DNAJC6: variants seen among roughly 807,000 people sequenced by gnomAD.
The protein encoded by DNAJC6 is DnaJ heat shock protein family (Hsp40) member C6, also known as auxilin.
A neutral mutation model predicts 110.0 loss-of-function variants in DNAJC6; 34 were observed. The ratio of observed to expected loss-of-function variants is 0.31; its 90% CI spans 0.24 to 0.41. The LOEUF (loss-of-function observed/expected upper bound fraction) is 0.41. Ranked by LOEUF, DNAJC6 falls within the 10% of genes least tolerant of loss-of-function variation. The pLI is 1.00. For synonymous variants in DNAJC6, 406 were observed against 437.2 expected (o/e 0.93, Z 0.89); for missense variants, 1,031 against 1,207.8 (o/e 0.85, Z 2.17).
intron 1 of DNAJC6, among the ~76,000 whole-genome samples, chr1:65,347,641 A>C (rs1392050168): frequency 6.6e-6 from 1 of 151,896 alleles, no homozygotes; most frequent in Non-Finnish European, 1.5e-5. Context: ...TTTTTTCATA[A>C]ATTAGAAACT....
chr1:65,281,582 C>T (rs977178478), intron 1 of DNAJC6, among the ~76,000 whole-genome samples: 1 of 151,930 alleles, frequency 6.6e-6, no homozygotes, highest in African/African-American at 2.4e-5. Context: ...CTAAGTACTT[C>T]ATTTCTTTTT....
chr1:65,295,063 A>G (rs1466394957), intron 1 of DNAJC6, among the ~76,000 whole-genome samples: 2 of 152,226 alleles, frequency 1.3e-5, no homozygotes, highest in Non-Finnish European at 2.9e-5. Context: ...AGGAAATCAT[A>G]ATAACTTCAG....
At chr1:65,279,200 T>A (rs1379846527) in intron 1 of DNAJC6, 1 of 980,600 alleles carries the variant, frequency 1.0e-6, no homozygotes, top group East Asian at 1.1e-4. Context: ...TTCTACAACT[T>A]TGGGGGAGGG....
Position 65,336,546 on chromosome 1 carries a change from C to T in DNAJC6, c.193+26608C>T, listed in dbSNP as rs74799436. ...AACCCATGTCCCCATTACTCAGCTT[C>T]GACAATTATCCACTAATGAGCAATT... On this transcript the variant is annotated intron_variant, in intron 1 of 18. Transcript: ENST00000371069. Among the ~76,000 whole-genome samples, 943 of 152,320 alleles carry T rather than the reference C, an allele frequency of 6.2e-3. 8 individuals carry two copies. Among genetic ancestry groups the T allele is most frequent in the African/African-American group, 0.02 (847 of 41,566 alleles).
intron 16 of DNAJC6, among the ~76,000 whole-genome samples, chr1:65,407,020 T>C (rs1646083692): frequency 1.3e-5 from 2 of 152,240 alleles, no homozygotes; most frequent in African/African-American, 2.4e-5. Context: ...TTTGTGGTTT[T>C]ATTTGCAGTT....
rs774034122 is a variant in DNAJC6, at chr1:65,413,013, G to C, written c.2901G>C (p.Lys967Asn). 1 of 1,613,814 alleles carries C rather than the reference G, an allele frequency of 6.2e-7. No individual in the cohort carries two copies. The highest frequency in any genetic ancestry group is 1.3e-5 in the African/African-American group (1 of 75,002). The change falls in exon 19 of 19, where the codon AAG (lysine) becomes AAC (asparagine). Residue 967 changes from lysine (K) to asparagine (N), a missense_variant. Lys to Asn is a moderately conservative substitution (Grantham distance 94). Coordinates refer to ENST00000371069, the MANE Select transcript of DNAJC6 (RefSeq NM_001256864.2). ...CTGAATTTGAAAACCAAGGCCAAAAGCCCTTATATTAATTTATGAGCTTTT... is the reference window on the plus strand; with the variant it reads ...CTGAATTTGAAAACCAAGGCCAAAACCCCTTATATTAATTTATGAGCTTTT... ...AWSEFENQGQ[K>N]PLY
At chr1:65,411,121 C>A in intron 17 of DNAJC6, 129 bp from the exon 18 acceptor site, 1 of 822,340 alleles carries the variant, frequency 1.2e-6, no homozygotes, top group Non-Finnish European at 1.8e-6. Context: ...GAGGAAACAG[C>A]CTGGATCATA....
chr1:65,297,653 T>G (rs948716180), intron 1 of DNAJC6, among the ~76,000 whole-genome samples: 14 of 152,210 alleles, frequency 9.2e-5, no homozygotes, highest in Non-Finnish European at 2.1e-4. Flanking sequence ...GGAACTTAGT[T>G]TAACCTTGAA....
At chr1:65,361,570 A>G (rs1394546610) in intron 1 of DNAJC6, among the ~76,000 whole-genome samples, 2 of 152,234 alleles carry the variant, frequency 1.3e-5, no homozygotes, top group African/African-American at 4.8e-5. Context: ...AATCAGGGAA[A>G]TTACCAAAAT....
At chr1:65,410,159 A>T (rs1452684921) in intron 17 of DNAJC6, among the ~76,000 whole-genome samples, 1 of 152,208 alleles carries the variant, frequency 6.6e-6, no homozygotes, top group Non-Finnish European at 1.5e-5. Flanking sequence ...AAAGAGGAGG[A>T]TGTAATCTGT....
intron 1 of DNAJC6, among the ~76,000 whole-genome samples, chr1:65,298,305 G>C (rs536965595): frequency 6.6e-6 from 1 of 152,250 alleles, no homozygotes; most frequent in Non-Finnish European, 1.5e-5. Context: ...TGTGGGTCTA[G>C]GGTGGGTGAA....
intron 7 of DNAJC6, 94 bp from the exon 8 acceptor site, chr1:65,386,718 C>T (rs1645876454): frequency 8.9e-7 from 1 of 1,121,208 alleles, no homozygotes; most frequent in Non-Finnish European, 1.3e-6. Flanking sequence ...GCGAACAGTC[C>T]TCTGGGCCAG....
intron 1 of DNAJC6, among the ~76,000 whole-genome samples, chr1:65,332,451 A>G (rs1645297431): frequency 6.6e-6 from 1 of 152,254 alleles, no homozygotes; most frequent in Non-Finnish European, 1.5e-5. Flanking sequence ...GAGGCAAGAA[A>G]TAAACTAATA....
intron 15 of DNAJC6, among the ~76,000 whole-genome samples, chr1:65,403,025 T>TA (rs981464335): frequency 1.6e-4 from 24 of 151,922 alleles, no homozygotes; most frequent in African/African-American, 4.8e-4. Context: ...ACTGTTTTAG[T>TA]AAAAAAAATA....
Position 65,389,339 on chromosome 1 carries a change from A to T in DNAJC6, c.1277A>T (p.Asp426Val), listed in dbSNP as rs769881010. The T allele has an allele frequency of 4.3e-6, 7 of 1,614,164 alleles. No individual in the cohort carries two copies. The highest frequency in any genetic ancestry group is 5.9e-6 in the Non-Finnish European group (7 of 1,180,010). The stretch of plus-strand genomic sequence containing the variant: ...CTGGATGTAGAACTACAGCCCCATG[A>T]CAAAGTAATAGACTTAACTCCACCA... ...VTLDVELQPHDKVIDLTPPWE... is the reference protein window; with the variant it reads ...VTLDVELQPHVKVIDLTPPWE... The change falls in exon 10 of 19, where the codon GAC (aspartate) becomes GTC (valine). Residue 426 changes from aspartate to valine, a missense_variant. Physicochemically the swap from Asp to Val is radical, Grantham distance 152. Coordinates refer to ENST00000371069, the MANE Select transcript of DNAJC6 (RefSeq NM_001256864.2).
At chr1:65,334,789 T>A (rs1047061055) in intron 1 of DNAJC6, among the ~76,000 whole-genome samples, 17 of 152,138 alleles carry the variant, frequency 1.1e-4, no homozygotes, top group African/African-American at 4.1e-4. Context: ...ACTCTCAGAT[T>A]TCTTTGTATC....
At chr1:65,350,737 T>G (rs1343364849) in intron 1 of DNAJC6, among the ~76,000 whole-genome samples, 1 of 152,216 alleles carries the variant, frequency 6.6e-6, no homozygotes, top group African/African-American at 2.4e-5. Flanking sequence ...GTAGTCCTTA[T>G]TCCTAGTGTG....
chr1:65,400,793 G>A (rs534181935), intron 14 of DNAJC6, among the ~76,000 whole-genome samples: 94 of 152,260 alleles, frequency 6.2e-4, no homozygotes, highest in African/African-American at 1.9e-3. Context: ...AATAAGCATG[G>A]GAGTGCAGAT....
chr1:65,367,206 T>A (rs932465693), intron 4 of DNAJC6, among the ~76,000 whole-genome samples: 4 of 152,176 alleles, frequency 2.6e-5, no homozygotes, highest in African/African-American at 9.6e-5. Context: ...CACAGACTTC[T>A]GATTCAGAAG....
Sources: gnomAD v4.1 joint callset for allele counts (sites outside exome capture counted in the v4.1 genomes callset) on GRCh38, gnomAD v4.1.1 for gene constraint, MANE v1.5 for transcripts, NCBI Gene and HGNC (gene_info 2026-07-23, HGNC 2026-07-21) for gene names.